Variants in OOEP observed in about 807,000 individuals in gnomAD.
OOEP encodes the protein oocyte-expressed protein homolog.
OOEP carries 16 observed loss-of-function variants against 13.7 expected under a neutral mutation model. The ratio of observed to expected loss-of-function variants is 1.16; its 90% CI spans 0.79 to 1.77. OOEP has a LOEUF of 1.77. Ranked by LOEUF, OOEP falls within the 40% of genes most tolerant of loss-of-function variation. The probability of loss-of-function intolerance (pLI) is 0.00; values close to 1 mark genes in which losing one functional copy is unlikely to be tolerated. For synonymous variants in OOEP, 89 were observed against 77.1 expected, an observed-to-expected ratio of 1.15 and a Z score of -0.81; for missense variants, 195 against 193.1, an observed-to-expected ratio of 1.01 and a Z score of -0.06.
At chr6:73,387,877 T>C (rs562784150) in intron 2 of OOEP, among the ~76,000 whole-genome samples, 2 of 152,328 alleles carry the variant, frequency 1.3e-5, no homozygotes, top group South Asian at 4.1e-4. Context: ...AATTTTATTT[T>C]ACTTATTCTG....
Position 73,382,716 on chromosome 6 carries a change from A to G in OOEP, c.25+11630T>C, listed in dbSNP as rs921034934. Among the ~76,000 whole-genome samples the G allele has an allele frequency of 6.6e-4, 99 of 151,124 alleles. 2 individuals carry two copies. Among genetic ancestry groups the G allele is most frequent in the Admixed American group, 2.0e-4 (3 of 15,152 alleles). ...CAGGCATGCACCACCATGCCCTGCTAATTTTTACTTTTATTTTTATAGAGA... is the reference window on the plus strand; with the variant it reads ...CAGGCATGCACCACCATGCCCTGCTGATTTTTACTTTTATTTTTATAGAGA... On this transcript the variant is annotated intron_variant, in intron 2 of 3. Coordinates refer to the OOEP transcript ENST00000370363.
upstream of OOEP, among the ~76,000 whole-genome samples, chr6:73,372,581 A>G (rs1321769163): frequency 6.6e-6 from 1 of 152,136 alleles, no homozygotes; most frequent in African/African-American, 2.4e-5. Context: ...GAGCCTGCCA[A>G]AACAGGAGGG....
chr6:73,368,787 A>G lies in OOEP; in HGVS notation c.447T>C (p.Ala149=). 6.2e-7 allele frequency: 1 copy of G among 1,606,114 alleles called. No homozygotes were observed. The highest frequency in any genetic ancestry group is 1.3e-5 in the African/African-American group (1 of 74,870). Reference sequence around the variant, plus strand: ...TCCCAACAGTAACTATGTTGTCTTAAGCAACAGGATCCTGGGGAGAGTGGG... The same window carrying G: ...TCCCAACAGTAACTATGTTGTCTTAGGCAACAGGATCCTGGGGAGAGTGGG... The part of the protein sequence containing the change: ...SDPHSPQDPV[A] Residue 149 remains alanine (A), a synonymous_variant, in exon 3 of 3, where the codon GCT becomes GCC. Coordinates refer to ENST00000370359, the MANE Select transcript of OOEP (RefSeq NM_001080507.3).
intron 1 of OOEP, chr6:73,394,506 A>G (rs898513030): frequency 1.6e-6 from 1 of 615,542 alleles, no homozygotes; most frequent in East Asian, 2.8e-5. Flanking sequence ...AAAAGAAAAA[A>G]AAAAGTTTCC....
intron 2 of OOEP, among the ~76,000 whole-genome samples, chr6:73,381,009 T>A (rs1043577366): frequency 6.6e-6 from 1 of 150,756 alleles, no homozygotes. Flanking sequence ...AATAAAAAAA[T>A]TTAGCTAGGC....
rs2150780929 is a variant in OOEP at position 73,378,893 on chromosome 6, T to C, written c.26-9508A>G. On this transcript the variant is annotated intron_variant, in intron 2 of 3. Coordinates refer to the OOEP transcript ENST00000370363. ...CAGAAAAAAAAAAAAAATTATTGAT[T>C]ACCCTAAAGAGCTTTTGTTTTGTAA... Among the ~76,000 whole-genome samples the C allele has an allele frequency of 2.0e-5, 3 of 152,136 alleles. No homozygotes were observed. The Middle Eastern group carries it at 0.01, about 517-fold the overall frequency.
At chr6:73,371,390 G>C (rs1051788720), upstream of OOEP, among the ~76,000 whole-genome samples, 5 of 152,016 alleles carry the variant, frequency 3.3e-5, no homozygotes, top group Non-Finnish European at 7.4e-5. Context: ...ATCACTTGAG[G>C]TCAGGAGTTT....
rs9446893 is a variant in OOEP, at chr6:73,379,657, A to G, written c.26-10272T>C. Among the ~76,000 whole-genome samples the G allele has an allele frequency of 3.4e-3, 372 of 110,894 alleles. 10 individuals carry two copies. The highest frequency in any genetic ancestry group is 0.01 in the African/African-American group (322 of 30,746). 72.8% of individuals were successfully genotyped at this position (110,894 alleles called of 152,430 possible). ...CTATCTCAAAAAAAAAAAAAAAAAAAAAAAGTGGCCTTATTTTACATGTTT... is the reference window on the plus strand; with the variant it reads ...CTATCTCAAAAAAAAAAAAAAAAAAGAAAAGTGGCCTTATTTTACATGTTT... On this transcript the variant is annotated intron_variant, in intron 2 of 3. Transcript: ENST00000370363.
chr6:73,369,822 G>C lies in OOEP; in HGVS notation c.-30C>G, dbSNP rs750173001. 9 of 1,597,260 alleles carry C rather than the reference G, an allele frequency of 5.6e-6. No individual in the cohort carries two copies. In the South Asian group the frequency reaches 7.7e-5, roughly 14 times the overall value. Reference sequence around the variant, plus strand: ...GGACCAGCAGCCGCGGAGCGCGCTCGAGGCGGCTTTCGCAAGACCTCTTCC... The same window carrying C: ...GGACCAGCAGCCGCGGAGCGCGCTCCAGGCGGCTTTCGCAAGACCTCTTCC... On this transcript the variant is annotated 5_prime_UTR_variant, in exon 1 of 3. Transcript: ENST00000370359.
At chr6:73,384,561 A>G (rs1769245068) in intron 2 of OOEP, among the ~76,000 whole-genome samples, 1 of 152,054 alleles carries the variant, frequency 6.6e-6, no homozygotes, top group Non-Finnish European at 1.5e-5. Context: ...TTGGTTGGGC[A>G]TGGTGGCTCA....
intron 2 of OOEP, among the ~76,000 whole-genome samples, chr6:73,381,586 A>G (rs560538218): frequency 6.6e-6 from 1 of 152,338 alleles, no homozygotes; most frequent in African/African-American, 2.4e-5. Flanking sequence ...GCATAGGACT[A>G]AAGGTAAGCA....
intron 2 of OOEP, chr6:73,387,530 T>G (rs946364241): frequency 6.6e-6 from 1 of 151,900 alleles, no homozygotes; most frequent in Non-Finnish European, 1.5e-5. Context: ...CAAAATAAAA[T>G]AATATAAAAA....
upstream of OOEP, among the ~76,000 whole-genome samples, chr6:73,370,816 C>G (rs1769037311): frequency 6.6e-6 from 1 of 152,162 alleles, no homozygotes; most frequent in African/African-American, 2.4e-5. Context: ...AGGTCTCACT[C>G]TCTTGCCTAG....
intron 2 of OOEP, among the ~76,000 whole-genome samples, chr6:73,381,563 C>G (rs1360512278): frequency 1.3e-5 from 2 of 152,212 alleles, no homozygotes; most frequent in African/African-American, 2.4e-5. Flanking sequence ...AAAGCAGGAA[C>G]AGACACTACT....
chr6:73,371,606 C>T (rs147246970), upstream of OOEP, among the ~76,000 whole-genome samples: 187 of 152,094 alleles, frequency 1.2e-3, no homozygotes, highest in Middle Eastern at 6.8e-3. Flanking sequence ...AAAGATTAGC[C>T]GGACATGGTG....
chr6:73,372,846 A>C (rs946412603), upstream of OOEP, among the ~76,000 whole-genome samples: 1 of 151,852 alleles, frequency 6.6e-6, no homozygotes, highest in Admixed American at 6.6e-5. Context: ...GCCAGAGCAA[A>C]CTGACGTTTC....
At position 73,369,342 on chromosome 6, in the gene OOEP, C is replaced by T. The variant is rs754361750; in HGVS notation, c.234G>A (p.Gln78=). The change falls in exon 2 of 3, where the codon CAG becomes CAA. Residue 78 remains glutamine (Q), a synonymous_variant. Transcript: ENST00000370359. ...AIIPEMEWTS[Q]ALLTVDIVDS... ...CCACTATGTCCACTGTCAGCAGGGC[C>T]TGGCTCGTCCACTCCATTTCTGGAA... 17 of 1,613,724 alleles carry T rather than the reference C, an allele frequency of 1.1e-5. No homozygotes were observed. The highest frequency in any genetic ancestry group is 1.4e-5 in the Non-Finnish European group (17 of 1,179,810).
At chr6:73,394,467 G>A in exon 2 of OOEP, 1 of 680,204 alleles carries the variant, frequency 1.5e-6, no homozygotes, top group South Asian at 1.6e-5. Context: ...ACCTGCCTGG[G>A]CAACACGGCG....
intron 2 of OOEP, among the ~76,000 whole-genome samples, chr6:73,384,124 A>G (rs2150782201): frequency 6.6e-6 from 1 of 152,236 alleles, no homozygotes; most frequent in South Asian, 2.1e-4. Context: ...AAAAATAAAA[A>G]ATGAATGAAT....
Sources: gnomAD v4.1 joint callset for allele counts (sites outside exome capture counted in the v4.1 genomes callset) on GRCh38, gnomAD v4.1.1 for gene constraint, MANE v1.5 for transcripts, NCBI Gene and HGNC (gene_info 2026-07-23, HGNC 2026-07-21) for gene names.